Variants in DOCK7 observed in about 807,000 individuals in gnomAD.
DOCK7 encodes the protein dedicator of cytokinesis protein 7.
DOCK7 carries 138 observed loss-of-function variants against 271.0 expected under a neutral mutation model. That is an observed-to-expected ratio of 0.51 (90% CI 0.44 to 0.59). The LOEUF (loss-of-function observed/expected upper bound fraction) is 0.59. Among genes scored for constraint, DOCK7 ranks in the 20% least tolerant of loss-of-function variants. The pLI is 0.00. For missense variants in DOCK7, 2,066 were observed against 2,592.4 expected (o/e 0.80, Z 4.41); for synonymous variants, 823 against 876.1 (o/e 0.94, Z 1.07).
At position 62,630,463 on chromosome 1, in the gene DOCK7, A is replaced by T. The variant is rs140784413; in HGVS notation, c.1282+777T>A. ...AAAGTCAATAGGGGTCCCGCACGACAGGCAGGCACCTGTCCTGGACAGGAC... is the reference window on the plus strand; with the variant it reads ...AAAGTCAATAGGGGTCCCGCACGACTGGCAGGCACCTGTCCTGGACAGGAC... On this transcript the variant is annotated intron_variant, in intron 11 of 49. Transcript: ENST00000635253. 3.8e-3 allele frequency among the ~76,000 whole-genome samples: 580 copies of T among 152,208 alleles called. 6 individuals carry two copies. Among genetic ancestry groups the T allele is most frequent in the African/African-American group, 0.013 (528 of 41,516 alleles).
chr1:62,553,352 ATATTTTTTTTTTTTTTTT>A (rs1309080569), intron 21 of DOCK7, among the ~76,000 whole-genome samples: 70 of 9,408 alleles, frequency 7.4e-3, no homozygotes, highest in South Asian at 0.018. Flanking sequence ...ATATATATAT[ATATTTTTTTTTTTTTTTT>A]TTTTTTTTTT....
At chr1:62,599,491 CT>C (rs1181928737) in intron 14 of DOCK7, among the ~76,000 whole-genome samples, 1 of 151,988 alleles carries the variant, frequency 6.6e-6, no homozygotes. Flanking sequence ...ACTTCCTTAG[CT>C]ACTTTTCTCC....
intron 25 of DOCK7, among the ~76,000 whole-genome samples, 181 bp from the exon 26 acceptor site, chr1:62,540,073 A>G (rs1211759389): frequency 1.3e-5 from 2 of 152,086 alleles, no homozygotes; most frequent in East Asian, 3.8e-4. Flanking sequence ...AAAATAAAAT[A>G]AAAAAACCAC....
At chr1:62,530,768 A>C (rs1465054739) in intron 29 of DOCK7, 1 of 154,076 alleles carries the variant, frequency 6.5e-6, no homozygotes, top group East Asian at 1.9e-4. Context: ...CAACTGCGAC[A>C]AGATGATCTG....
rs1255755749 is a variant in DOCK7 at position 62,494,763 on chromosome 1, C to A, written c.5025-296G>T. ...GAAAAAGTATGGAAATTTATGTGTT[C>A]ATTACAGAAACATAGAGAAGTTTTA... On this transcript the variant is annotated intron_variant, in intron 39 of 49. Coordinates refer to ENST00000635253, the MANE Select transcript of DOCK7 (RefSeq NM_001367561.1). The A allele has an allele frequency of 2.9e-5, 7 of 243,370 alleles. No individual in the cohort carries two copies. The East Asian group carries it at 4.6e-4, about 16-fold the overall frequency. 15.1% of individuals were successfully genotyped at this position (243,370 alleles called of 1,614,324 possible).
At chr1:62,601,927 C>A in intron 14 of DOCK7, 3 of 1,213,350 alleles carry the variant, frequency 2.5e-6, no homozygotes, top group Non-Finnish European at 3.7e-6. Context: ...GTTCAACTTA[C>A]TCATTACGTA....
chr1:62,609,713 T>G (rs571735720), intron 14 of DOCK7: 1 of 152,240 alleles, frequency 6.6e-6, no homozygotes, highest in African/African-American at 2.4e-5. Flanking sequence ...CATCTGTTTC[T>G]GGAACTTTAC....
At chr1:62,571,524 C>G (rs1237012345) in intron 18 of DOCK7, among the ~76,000 whole-genome samples, 2 of 152,064 alleles carry the variant, frequency 1.3e-5, no homozygotes, top group Non-Finnish European at 2.9e-5. Flanking sequence ...ACCAGAAATA[C>G]CATTCGAACC....
Position 62,455,350 on chromosome 1 carries a change from A to G in DOCK7, c.*64T>C. 1 of 1,540,884 alleles carries G rather than the reference A, an allele frequency of 6.5e-7. No homozygotes were observed. The highest frequency in any genetic ancestry group is 9.0e-7 in the Non-Finnish European group (1 of 1,115,290). On this transcript the variant is annotated 3_prime_UTR_variant, in exon 50 of 50. Transcript: ENST00000635253. ...TCCATTCCATGTTGTTTTCCAATAGATCTTTTCACACTCGATGTTGAATAC... is the reference window on the plus strand; with the variant it reads ...TCCATTCCATGTTGTTTTCCAATAGGTCTTTTCACACTCGATGTTGAATAC...
At chr1:62,686,850 GA>G (rs944837386) in intron 1 of DOCK7, among the ~76,000 whole-genome samples, 3 of 144,728 alleles carry the variant, frequency 2.1e-5, no homozygotes, top group South Asian at 2.3e-4. Context: ...GCCCCTTCAG[GA>G]AAAAAAAAGT....
chr1:62,534,620 C>CA (rs1258287804), intron 29 of DOCK7, among the ~76,000 whole-genome samples: 2 of 151,944 alleles, frequency 1.3e-5, no homozygotes, highest in African/African-American at 4.8e-5. Context: ...GACCTATTCT[C>CA]AAAAAAACAA....
At chr1:62,636,692 A>G in intron 7 of DOCK7, 89 bp from the exon 8 acceptor site, 4 of 1,140,042 alleles carry the variant, frequency 3.5e-6, no homozygotes, top group Non-Finnish European at 5.0e-6. Flanking sequence ...AATTATCACA[A>G]TACTTGGCAG....
intron 2 of DOCK7, among the ~76,000 whole-genome samples, chr1:62,658,219 A>G (rs1368043586): frequency 6.6e-6 from 1 of 151,690 alleles, no homozygotes; most frequent in South Asian, 2.1e-4. Flanking sequence ...TTTGGGAGGC[A>G]GAGGCAGGCA....
chr1:62,671,864 T>C (rs1038681521), intron 1 of DOCK7, among the ~76,000 whole-genome samples: 9 of 151,954 alleles, frequency 5.9e-5, no homozygotes, highest in African/African-American at 2.2e-4. Context: ...AATGTGTCTT[T>C]AGCATATCTG....
At chr1:62,539,238 G>C (rs760391384) in intron 27 of DOCK7, among the ~76,000 whole-genome samples, 1 of 152,138 alleles carries the variant, frequency 6.6e-6, no homozygotes, top group Non-Finnish European at 1.5e-5. Flanking sequence ...ATGACATCTT[G>C]AGACTGCTTT....
intron 25 of DOCK7, among the ~76,000 whole-genome samples, chr1:62,541,703 G>C (rs140273262): frequency 0.017 from 2,603 of 152,254 alleles, 74 homozygotes; most frequent in African/African-American, 0.059. Flanking sequence ...TAGGCTATTA[G>C]TAGTTAAGTT....
chr1:62,523,004 C>A (rs540682541), intron 31 of DOCK7, among the ~76,000 whole-genome samples: 1 of 151,946 alleles, frequency 6.6e-6, no homozygotes, highest in Non-Finnish European at 1.5e-5. Flanking sequence ...ATATGCTAGT[C>A]CTCCTTGGTA....
intron 2 of DOCK7, among the ~76,000 whole-genome samples, chr1:62,662,734 C>T (rs1658813046): frequency 6.6e-6 from 1 of 151,986 alleles, no homozygotes; most frequent in South Asian, 2.1e-4. Flanking sequence ...GCACTCCAGC[C>T]TGGGCGACAG....
chr1:62,489,297 A>C (rs1435888164), intron 41 of DOCK7, among the ~76,000 whole-genome samples: 1 of 151,976 alleles, frequency 6.6e-6, no homozygotes, highest in Non-Finnish European at 1.5e-5. Flanking sequence ...AAAATACAAA[A>C]CATTGGCCGG....
Sources: gnomAD v4.1 joint callset for allele counts (sites outside exome capture counted in the v4.1 genomes callset) on GRCh38, gnomAD v4.1.1 for gene constraint, MANE v1.5 for transcripts, NCBI Gene and HGNC (gene_info 2026-07-23, HGNC 2026-07-21) for gene names.